The following TICRR variants were observed in gnomAD, a reference collection of about 807,000 sequenced individuals.
TICRR encodes TOPBP1 interacting checkpoint and replication regulator.
TICRR carries 132 observed loss-of-function variants against 178.1 expected under a neutral mutation model. The ratio of observed to expected loss-of-function variants is 0.74; its 90% CI spans 0.64 to 0.86. The LOEUF is 0.86. TICRR is among the 40% of genes least tolerant of loss of function. TICRR has a pLI of 0.00. For synonymous variants in TICRR, 991 were observed against 900.7 expected (o/e 1.10, Z -1.79); for missense variants, 2,587 against 2,334.3 (o/e 1.11, Z -2.23).
intron 1 of TICRR, among the ~76,000 whole-genome samples, chr15:89,576,833 A>ATGTGTGTGTG (rs1962627619): frequency 1.4e-5 from 1 of 73,426 alleles, no homozygotes; most frequent in Non-Finnish European, 2.8e-5. Context: ...ATATATATAT[A>ATGTGTGTGTG]TATATATATA....
At chr15:89,583,573 C>G (rs1962768138) in intron 2 of TICRR, among the ~76,000 whole-genome samples, 1 of 152,172 alleles carries the variant, frequency 6.6e-6, no homozygotes, top group Non-Finnish European at 1.5e-5. Flanking sequence ...TTTCATTACA[C>G]AGTCTTTAGA....
At chr15:89,607,454 G>A (rs1963191713) in intron 14 of TICRR, among the ~76,000 whole-genome samples, 1 of 152,060 alleles carries the variant, frequency 6.6e-6, no homozygotes, top group African/African-American at 2.4e-5. Flanking sequence ...TTAGTGATGG[G>A]CGTATGTTTA....
At chr15:89,606,609 T>C (rs550781243) in intron 13 of TICRR, among the ~76,000 whole-genome samples, 159 bp from the exon 14 acceptor site, 9 of 152,364 alleles carry the variant, frequency 5.9e-5, no homozygotes, top group African/African-American at 7.2e-5. Context: ...TAGTGCAGCA[T>C]TGAGTGTTTT....
chr15:89,615,303 G>A (rs932404698), intron 15 of TICRR, among the ~76,000 whole-genome samples: 1 of 152,196 alleles, frequency 6.6e-6, no homozygotes, highest in Non-Finnish European at 1.5e-5. Context: ...CAGGTTAATG[G>A]ATGACAGTTA....
chr15:89,576,858 TATACAC>T (rs1567038038), intron 1 of TICRR, among the ~76,000 whole-genome samples: 2 of 120,908 alleles, frequency 1.7e-5, no homozygotes, highest in African/African-American at 6.7e-5. Context: ...TATATATATA[TATACAC>T]ACACACACAT....
chr15:89,576,157 A>T lies in TICRR; in HGVS notation c.571A>T (p.Lys191Ter), dbSNP rs755500392. ...GCCCACCCCTAAGCAGGTGATGGAG[A>T]AGTTGTTGCCCAAGAGAGTCCGGGA... ...LPPTPKQVME[K>*]LLPKRVREVM... Residue 191 changes from lysine to a stop codon, truncating the protein, a stop_gained, in exon 1 of 22, where the codon AAG (lysine) becomes TAG (stop). Coordinates refer to ENST00000268138, the MANE Select transcript of TICRR (RefSeq NM_152259.4). LOFTEE classifies it high-confidence loss of function. The T allele has an allele frequency of 5.0e-6, 8 of 1,605,844 alleles. No homozygotes were observed. Among genetic ancestry groups the T allele is most frequent in the Non-Finnish European group, 6.8e-6 (8 of 1,179,926 alleles).
intron 14 of TICRR, among the ~76,000 whole-genome samples, chr15:89,607,602 T>TA (rs1963193328): frequency 6.6e-6 from 1 of 152,156 alleles, no homozygotes; most frequent in African/African-American, 2.4e-5. Flanking sequence ...CAGGAACTCT[T>TA]ATAATGGAGA....
At position 89,600,672 on chromosome 15, in the gene TICRR, G is replaced by A. The variant is rs773729254; in HGVS notation, c.2140G>A (p.Asp714Asn). The change falls in exon 9 of 22, where the codon GAC becomes AAC. Residue 714 changes from aspartate to asparagine, a missense_variant. By Grantham distance (23) the Asp-to-Asn change is conservative. Coordinates refer to ENST00000268138, the MANE Select transcript of TICRR (RefSeq NM_152259.4). The stretch of plus-strand genomic sequence containing the variant: ...TCTAGGAAAAAAACTGGATAAGGAA[G>A]ACAAAGTTAGAGAGTAAGTAACTAC... ...QNLGKKLDKE[D>N]KVRECQLQVF... 2.6e-6 allele frequency: 4 copies of A among 1,546,820 alleles called. No homozygotes were observed. The highest frequency in any genetic ancestry group is 4.5e-5 in the East Asian group (2 of 44,296).
chr15:89,577,487 T>G lies in TICRR; in HGVS notation c.654+1247T>G, dbSNP rs553844096. Among the ~76,000 whole-genome samples the G allele has an allele frequency of 2.7e-4, 41 of 151,312 alleles. 1 individual carries two copies. The highest frequency in any genetic ancestry group is 3.4e-3 in the Middle Eastern group (1 of 292). ...ATGGTAACCAAAGCAGGGAACAGATTAAACAGATAAGCAAGTGACAATTTC... is the reference window on the plus strand; with the variant it reads ...ATGGTAACCAAAGCAGGGAACAGATGAAACAGATAAGCAAGTGACAATTTC... On this transcript the variant is annotated intron_variant, in intron 1 of 21. Coordinates refer to ENST00000268138, the MANE Select transcript of TICRR (RefSeq NM_152259.4).
At chr15:89,603,690 A>AG (rs1397841186) in intron 13 of TICRR, among the ~76,000 whole-genome samples, 2 of 152,244 alleles carry the variant, frequency 1.3e-5, no homozygotes, top group African/African-American at 4.8e-5. Flanking sequence ...TATCTGCAGA[A>AG]GATATGTTCC....
intron 21 of TICRR, 130 bp from the exon 22 acceptor site, chr15:89,626,826 A>G: frequency 8.1e-6 from 8 of 993,214 alleles, no homozygotes; most frequent in Non-Finnish European, 1.2e-5. Context: ...CTGTAGGATA[A>G]GCGAACCTCC....
chr15:89,619,660 C>G, intron 17 of TICRR, 48 bp from the exon 18 acceptor site: 6 of 1,559,640 alleles, frequency 3.8e-6, no homozygotes, highest in Non-Finnish European at 5.2e-6. Flanking sequence ...GAGAAAATGT[C>G]AAGCTTGTAG....
chr15:89,594,319 T>C (rs1962960419), intron 5 of TICRR, 96 bp from the exon 6 acceptor site: 1 of 1,121,698 alleles, frequency 8.9e-7, no homozygotes, highest in East Asian at 2.5e-5. Context: ...TCTTTTTGGT[T>C]AGCTTTTTAG....
In TICRR at chr15:89,624,625, G is replaced by A; in HGVS notation, c.4315G>A (p.Gly1439Ser). 6.2e-7 allele frequency: 1 copy of A among 1,613,952 alleles called. No individual in the cohort carries two copies. The highest frequency in any genetic ancestry group is 1.6e-4 in the Middle Eastern group (1 of 6,062). ...TCCTCAGTCTCCTCCTGAAAGACGGGGCTACCCAGGCCCTGGTCTCAGGAG... is the reference window on the plus strand; with the variant it reads ...TCCTCAGTCTCCTCCTGAAAGACGGAGCTACCCAGGCCCTGGTCTCAGGAG... Reference protein sequence around the residue: ...LSPQSPPERRGYPGPGLRSDW... With the variant: ...LSPQSPPERRSYPGPGLRSDW... Residue 1439 changes from glycine (G) to serine (S), a missense_variant, in exon 20 of 22, where the codon GGC becomes AGC. Coordinates refer to ENST00000268138, the MANE Select transcript of TICRR (RefSeq NM_152259.4).
intron 4 of TICRR, among the ~76,000 whole-genome samples, chr15:89,589,490 G>C (rs1348962394): frequency 6.6e-6 from 1 of 152,134 alleles, no homozygotes. Context: ...TTTGCTGGAA[G>C]AGGTGCAGGT....
At chr15:89,621,578 A>G in intron 19 of TICRR, 28 bp downstream of exon 19, 1 of 1,580,176 alleles carries the variant, frequency 6.3e-7, no homozygotes, top group Non-Finnish European at 8.6e-7. Context: ...TGTTTGAAAT[A>G]ATATAATCTC....
chr15:89,598,814 T>G (rs1963044113), intron 7 of TICRR, among the ~76,000 whole-genome samples: 1 of 151,692 alleles, frequency 6.6e-6, no homozygotes, highest in Non-Finnish European at 1.5e-5. Context: ...AAGACCAGCC[T>G]GGGCAACATG....
Position 89,624,360 on chromosome 15 carries a change from T to C in TICRR, c.4050T>C (p.Ala1350=), listed in dbSNP as rs763560929. The change falls in exon 20 of 22, where the codon GCT becomes GCC. Residue 1350 remains alanine (A), a synonymous_variant. Transcript: ENST00000268138. The stretch of plus-strand genomic sequence containing the variant: ...AGCCCCAGATGTCACCCAGCGTAGC[T>C]GCATCTCTCTCCTGCCCTGTTCCCT... ...QKEPQMSPSV[A]ASLSCPVPST... is the part of the protein sequence containing the mutation. 5.6e-6 allele frequency: 9 copies of C among 1,614,036 alleles called. No individual in the cohort carries two copies. The highest frequency in any genetic ancestry group is 1.3e-5 in the African/African-American group (1 of 74,928).
At position 89,579,924 on chromosome 15, in the gene TICRR, A is replaced by T. The variant is rs191356685; in HGVS notation, c.655-2762A>T. On this transcript the variant is annotated intron_variant, in intron 1 of 21. Coordinates refer to ENST00000268138, the MANE Select transcript of TICRR (RefSeq NM_152259.4). ...CTTTATAAATTACCCAGTTTCAGCT[A>T]TTCTGTTGTAAGCAACATTAAGCAG... 8.7e-4 allele frequency: 132 copies of T among 152,380 alleles called. 1 individual carries two copies. Among genetic ancestry groups the T allele is most frequent in the African/African-American group, 3.1e-3 (129 of 41,578 alleles). The allele number at this position is 152,380 out of a possible 1,614,324, so 9.4% of individuals were successfully genotyped here.
Sources: allele counts gnomAD v4.1 joint callset (sites outside exome capture counted in the v4.1 genomes callset), GRCh38; gene constraint gnomAD v4.1.1; transcripts MANE v1.5; gene names NCBI Gene and HGNC (gene_info 2026-07-23, HGNC 2026-07-21).